HERC3: variants seen among roughly 807,000 people sequenced by gnomAD.
The protein encoded by HERC3 is HECT and RLD domain containing E3 ubiquitin protein ligase 3, also known as probable E3 ubiquitin-protein ligase HERC3.
In HERC3, 58 loss-of-function variants were observed where a neutral mutation model predicts 129.9. That is an observed-to-expected ratio of 0.45 (90% CI 0.36 to 0.56). The LOEUF (loss-of-function observed/expected upper bound fraction) is 0.56, where lower values mean the gene tolerates loss of function less well. Among genes scored for constraint, HERC3 ranks in the 20% least tolerant of loss-of-function variants. The pLI is 0.00. For missense variants in HERC3, 835 were observed against 1,244.2 expected (o/e 0.67, Z 4.95); for synonymous variants, 430 against 451.0 (o/e 0.95, Z 0.59).
intron 3 of HERC3, among the ~76,000 whole-genome samples, chr4:88,643,423 A>G (rs1313652326): frequency 6.6e-6 from 1 of 152,230 alleles, no homozygotes; most frequent in Non-Finnish European, 1.5e-5. Context: ...TAAAGGATCT[A>G]GAATACCTGA....
chr4:88,663,191 A>G (rs1240197517), intron 11 of HERC3, among the ~76,000 whole-genome samples: 2 of 152,204 alleles, frequency 1.3e-5, no homozygotes, highest in Non-Finnish European at 2.9e-5. Flanking sequence ...AGAAACGTAC[A>G]TAATGGTTCC....
At position 88,631,329 on chromosome 4, in the gene HERC3, CCTGTAGTCTCAACTA is replaced by C. The variant is rs1454734057; in HGVS notation, c.227-18508_227-18494del. Among the ~76,000 whole-genome samples the C allele has an allele frequency of 2.6e-5, 4 of 152,206 alleles. No individual in the cohort carries two copies. In the East Asian group the frequency reaches 5.8e-4, roughly 22 times the overall value. On this transcript the variant is annotated intron_variant, in intron 3 of 25. Coordinates refer to ENST00000402738, the MANE Select transcript of HERC3 (RefSeq NM_014606.3). ...AATTAGCCAGGCGTTGTGGTGTGTGCCTGTAGTCTCAACTACTTGAGAGGCTGAGGCAGGAGAATC... is the reference window on the plus strand; with the variant it reads ...AATTAGCCAGGCGTTGTGGTGTGTGCCTTGAGAGGCTGAGGCAGGAGAATC...
the HERC3 span, among the ~76,000 whole-genome samples, chr4:88,572,540 G>A: frequency 2.0e-5 from 3 of 152,186 alleles, no homozygotes; most frequent in African/African-American, 7.2e-5. Context: ...GCCGAGTGTG[G>A]TGGCTCACAC....
intron 23 of HERC3, among the ~76,000 whole-genome samples, chr4:88,689,530 G>A (rs969397397): frequency 6.1e-5 from 5 of 82,158 alleles, no homozygotes; most frequent in East Asian, 4.1e-4. Context: ...CCCCGCCCCC[G>A]CCAAAAAAAA....
Position 88,681,233 on chromosome 4 carries a change from C to T in HERC3, c.2415C>T (p.Val805=), listed in dbSNP as rs747842515. The stretch of plus-strand genomic sequence containing the variant: ...TAGCTATCTACAACTCCACTGTGGT[C>T]GATCTCCACTTCCCATTGGCTCTCT... ...CGLAIYNSTV[V]DLHFPLALYK... is the part of the protein sequence containing the mutation. The change falls in exon 21 of 26, where the codon GTC becomes GTT. Residue 805 remains valine, a synonymous_variant. Transcript: ENST00000402738. 1.4e-5 allele frequency: 23 copies of T among 1,613,724 alleles called. No individual in the cohort carries two copies. Among genetic ancestry groups the T allele is most frequent in the South Asian group, 1.2e-4 (11 of 91,052 alleles).
At chr4:88,612,392 A>G in intron 3 of HERC3, among the ~76,000 whole-genome samples, 1 of 151,364 alleles carries the variant, frequency 6.6e-6, no homozygotes, top group Non-Finnish European at 1.5e-5. Flanking sequence ...GGCCCCAGAT[A>G]TTTTCCCAGT....
chr4:88,694,879 A>G (rs1734439105), intron 23 of HERC3, among the ~76,000 whole-genome samples: 1 of 152,112 alleles, frequency 6.6e-6, no homozygotes, highest in South Asian at 2.1e-4. Context: ...GTGCCTATAA[A>G]TGGTTATTGG....
chr4:88,534,739 C>CT, the HERC3 span, among the ~76,000 whole-genome samples: 1 of 152,056 alleles, frequency 6.6e-6, no homozygotes, highest in Non-Finnish European at 1.5e-5. Flanking sequence ...TTCTATATGG[C>CT]TTTTTTATTA....
chr4:88,646,010 A>G (rs1225753444), intron 3 of HERC3, among the ~76,000 whole-genome samples: 1 of 152,206 alleles, frequency 6.6e-6, no homozygotes, highest in Non-Finnish European at 1.5e-5. Context: ...TTTAAAATCT[A>G]TCTAATTCTT....
At chr4:88,525,205 T>G in the HERC3 span, among the ~76,000 whole-genome samples, 1 of 152,200 alleles carries the variant, frequency 6.6e-6, no homozygotes, top group African/African-American at 2.4e-5. Flanking sequence ...TCTTTCACAG[T>G]CATAACTTTC....
At chr4:88,698,770 C>T (rs1734957508) in intron 23 of HERC3, among the ~76,000 whole-genome samples, 1 of 149,372 alleles carries the variant, frequency 6.7e-6, no homozygotes, top group East Asian at 2.0e-4. Flanking sequence ...CTCCCCCGCA[C>T]TGACTTATGC....
the HERC3 span, among the ~76,000 whole-genome samples, chr4:88,541,574 G>C: frequency 1.3e-5 from 2 of 152,288 alleles, no homozygotes; most frequent in Non-Finnish European, 2.9e-5. Context: ...CTTGAACTCA[G>C]CTCTGCAACA....
At chr4:88,670,381 T>G in intron 16 of HERC3, 129 bp downstream of exon 16, 1 of 639,022 alleles carries the variant, frequency 1.6e-6, no homozygotes, top group Non-Finnish European at 2.7e-6. Flanking sequence ...GCCTTTTGCA[T>G]TCTAGAAACT....
chr4:88,571,656 C>T, the HERC3 span, among the ~76,000 whole-genome samples: 26,083 of 152,068 alleles, frequency 0.17, 2,469 homozygotes, highest in Admixed American at 0.26. Context: ...AGGCCTTTGA[C>T]GTCCTTAGGC....
intron 2 of HERC3, among the ~76,000 whole-genome samples, chr4:88,597,577 C>G (rs1442700967): frequency 6.6e-6 from 1 of 152,168 alleles, no homozygotes; most frequent in African/African-American, 2.4e-5. Context: ...AGGGCCCTGG[C>G]TGTTGTATAT....
At chr4:88,592,943 A>G (rs1363985195) in intron 1 of HERC3, among the ~76,000 whole-genome samples, 1 of 152,134 alleles carries the variant, frequency 6.6e-6, no homozygotes, top group Non-Finnish European at 1.5e-5. Context: ...CGACGCAGAA[A>G]GTCAAAAGGA....
At chr4:88,563,203 A>C in the HERC3 span, among the ~76,000 whole-genome samples, 45 of 152,292 alleles carry the variant, frequency 3.0e-4, no homozygotes, top group South Asian at 5.2e-3. Context: ...TTTCCATCAC[A>C]GAGATCTTTC....
Position 88,680,125 on chromosome 4 carries a change from C to T in HERC3, c.2229C>T (p.Ala743=), listed in dbSNP as rs139088901. Residue 743 remains alanine, a synonymous_variant, in exon 20 of 26, where the codon GCC becomes GCT. Transcript: ENST00000402738. ...TTGATGGTGAAGAAGCAGTGGATGC[C>T]GGTGGTGTTACAAAGGAATTTTTTC... ...VIFDGEEAVD[A]GGVTKEFFLL... 557 of 1,612,434 alleles carry T rather than the reference C, an allele frequency of 3.5e-4. 1 individual carries two copies. In the African/African-American group the frequency reaches 4.7e-3, roughly 14 times the overall value.
intron 1 of HERC3, among the ~76,000 whole-genome samples, chr4:88,593,849 C>T (rs1020382300): frequency 4.6e-5 from 7 of 152,198 alleles, no homozygotes; most frequent in Admixed American, 3.3e-4. Context: ...CGGCAGATTA[C>T]TGTGAAGCTC....
Sources: allele counts gnomAD v4.1 joint callset (sites outside exome capture counted in the v4.1 genomes callset), GRCh38; gene constraint gnomAD v4.1.1; transcripts MANE v1.5; gene names NCBI Gene and HGNC (gene_info 2026-07-23, HGNC 2026-07-21).